The following PPFIA2 variants were observed in gnomAD, a reference collection of about 807,000 sequenced individuals.
PPFIA2 encodes the protein PPFI scaffold protein A2.
In PPFIA2, 46 loss-of-function variants were observed where a neutral mutation model predicts 175.5. The ratio of observed to expected loss-of-function variants is 0.26; its 90% CI spans 0.21 to 0.34. The LOEUF is 0.34. PPFIA2 is among the 10% of genes least tolerant of loss of function. PPFIA2 has a pLI of 1.00. For synonymous variants in PPFIA2, 568 were observed against 511.4 expected (o/e 1.11, Z -1.49); for missense variants, 1,179 against 1,506.1 (o/e 0.78, Z 3.60).
At chr12:81,568,852 T>C (rs2071902586) in intron 4 of PPFIA2, among the ~76,000 whole-genome samples, 1 of 152,146 alleles carries the variant, frequency 6.6e-6, no homozygotes, top group Admixed American at 6.5e-5. Context: ...AAAAACTACA[T>C]GGTATAATGG....
At chr12:81,748,339 A>C (rs1246668349) in intron 3 of PPFIA2, among the ~76,000 whole-genome samples, 1 of 144,510 alleles carries the variant, frequency 6.9e-6, no homozygotes, top group African/African-American at 2.4e-5. Flanking sequence ...CCAGTGTTTC[A>C]TTTATCCTGT....
At chr12:81,722,149 A>G (rs35222173) in intron 3 of PPFIA2, among the ~76,000 whole-genome samples, 9,579 of 151,056 alleles carry the variant, frequency 0.063, 448 homozygotes, top group East Asian at 0.26. Context: ...AGATGATGCA[A>G]TATATAAAGT....
At chr12:81,429,870 C>T (rs887325488) in intron 7 of PPFIA2, 2 of 152,084 alleles carry the variant, frequency 1.3e-5, no homozygotes, top group East Asian at 3.9e-4. Flanking sequence ...TAATGAGAAC[C>T]TCATCTGGGT....
intron 3 of PPFIA2, among the ~76,000 whole-genome samples, chr12:81,740,995 G>A (rs2082251340): frequency 6.7e-6 from 1 of 149,388 alleles, no homozygotes; most frequent in Admixed American, 6.7e-5. Context: ...ACTTTTTTTT[G>A]TGTCAAAAGT....
At chr12:81,448,012 TC>T (rs1476076629) in intron 5 of PPFIA2, among the ~76,000 whole-genome samples, 3 of 152,178 alleles carry the variant, frequency 2.0e-5, no homozygotes, top group African/African-American at 7.2e-5. Flanking sequence ...TGTTTTTTTT[TC>T]TAATTGTAAA....
chr12:81,413,748 G>A (rs777680986), intron 7 of PPFIA2, among the ~76,000 whole-genome samples: 3 of 151,724 alleles, frequency 2.0e-5, no homozygotes, highest in Non-Finnish European at 4.4e-5. Context: ...AGAATGAATC[G>A]TTGTTTGTGG....
intron 18 of PPFIA2, among the ~76,000 whole-genome samples, chr12:81,346,761 G>C (rs2059141512): frequency 1.3e-5 from 2 of 151,448 alleles, no homozygotes; most frequent in African/African-American, 2.4e-5. Context: ...GTTATATATT[G>C]AAAAGTTATA....
At chr12:81,548,205 A>T (rs1167942013) in intron 4 of PPFIA2, among the ~76,000 whole-genome samples, 1 of 152,164 alleles carries the variant, frequency 6.6e-6, no homozygotes, top group Non-Finnish European at 1.5e-5. Flanking sequence ...CTATTTTTCT[A>T]AACTCTAAGC....
At chr12:81,515,237 G>A (rs974392476) in intron 4 of PPFIA2, among the ~76,000 whole-genome samples, 2 of 151,866 alleles carry the variant, frequency 1.3e-5, no homozygotes, top group Non-Finnish European at 2.9e-5. Flanking sequence ...GGGGGTACAA[G>A]GTTACCCCTT....
At chr12:81,550,002 T>C (rs985194471) in intron 4 of PPFIA2, among the ~76,000 whole-genome samples, 2 of 152,012 alleles carry the variant, frequency 1.3e-5, no homozygotes, top group African/African-American at 2.4e-5. Flanking sequence ...AAGGCAAAGA[T>C]AGCTTTCTTT....
chr12:81,619,343 T>A lies in PPFIA2; in HGVS notation c.303+57448A>T, dbSNP rs147501131. 8.5e-4 allele frequency among the ~76,000 whole-genome samples: 129 copies of A among 152,318 alleles called. 4 individuals carry two copies. The highest frequency in any genetic ancestry group is 3.1e-3 in the African/African-American group (128 of 41,560). On this transcript the variant is annotated intron_variant, in intron 4 of 32. Transcript: ENST00000549396. ...TGTAACTTTTCAATTCAAGTTGTCATACAACCCAGCAAAAGCAGTCCACTT... is the reference window on the plus strand; with the variant it reads ...TGTAACTTTTCAATTCAAGTTGTCAAACAACCCAGCAAAAGCAGTCCACTT...
At chr12:81,346,767 T>C (rs1180639545) in intron 18 of PPFIA2, among the ~76,000 whole-genome samples, 4 of 151,916 alleles carry the variant, frequency 2.6e-5, no homozygotes, top group Non-Finnish European at 5.9e-5. Context: ...TATTGAAAAG[T>C]TATAAAACTC....
chr12:81,403,273 G>A (rs1200765041), intron 8 of PPFIA2, among the ~76,000 whole-genome samples: 1 of 152,090 alleles, frequency 6.6e-6, no homozygotes, highest in Non-Finnish European at 1.5e-5. Flanking sequence ...CAATTGCTTT[G>A]GGTCACCAAT....
rs2059809910 is a variant in PPFIA2, at chr12:81,601,716, TC to T, written c.303+75074del. ...GCTAAGTTCCATGCCCAACATTTCA[TC>T]TAGTACTGTACTTTCCAAACCTGGT... On this transcript the variant is annotated intron_variant, in intron 4 of 32. Coordinates refer to ENST00000549396, the MANE Select transcript of PPFIA2 (RefSeq NM_003625.5). 2.6e-5 allele frequency among the ~76,000 whole-genome samples: 4 copies of T among 151,984 alleles called. No homozygotes were observed. The South Asian group carries it at 8.3e-4, about 31-fold the overall frequency.
At chr12:81,755,695 T>G (rs2084534158) in intron 2 of PPFIA2, among the ~76,000 whole-genome samples, 1 of 152,132 alleles carries the variant, frequency 6.6e-6, no homozygotes, top group Admixed American at 6.5e-5. Flanking sequence ...ATAACCTATA[T>G]TAAAAAATTA....
At chr12:81,308,462 C>A (rs1594498585) in intron 22 of PPFIA2, among the ~76,000 whole-genome samples, 1 of 152,246 alleles carries the variant, frequency 6.6e-6, no homozygotes, top group African/African-American at 2.4e-5. Context: ...AGAATTTGAA[C>A]CCCAATAACC....
chr12:81,590,850 A>T (rs1455869659), intron 4 of PPFIA2, among the ~76,000 whole-genome samples: 2 of 152,114 alleles, frequency 1.3e-5, no homozygotes, highest in Non-Finnish European at 1.5e-5. Context: ...AGTCTTGGGT[A>T]TGTCTTTATC....
At chr12:81,456,353 G>C (rs541886298) in intron 5 of PPFIA2, among the ~76,000 whole-genome samples, 2 of 152,232 alleles carry the variant, frequency 1.3e-5, no homozygotes, top group South Asian at 4.1e-4. Flanking sequence ...GTTCATCAGA[G>C]TATCATTGAA....
chr12:81,448,592 C>A (rs1259749401), intron 5 of PPFIA2, among the ~76,000 whole-genome samples: 1 of 152,180 alleles, frequency 6.6e-6, no homozygotes, highest in Non-Finnish European at 1.5e-5. Context: ...AACTTATCTC[C>A]TATTTTTCTT....
Sources: allele counts gnomAD v4.1 joint callset (sites outside exome capture counted in the v4.1 genomes callset), GRCh38; gene constraint gnomAD v4.1.1; transcripts MANE v1.5; gene names NCBI Gene and HGNC (gene_info 2026-07-23, HGNC 2026-07-21).